Variants in CFAP299 observed in about 807,000 individuals in gnomAD.
CFAP299 encodes the protein cilia- and flagella-associated protein 299.
Under a neutral mutation model 27.0 loss-of-function variants are expected in CFAP299, and 21 were observed. That is an observed-to-expected ratio of 0.78 (90% CI 0.55 to 1.12). CFAP299 has a LOEUF of 1.12. Ranked by LOEUF, CFAP299 falls within the 50% of genes most tolerant of loss-of-function variation. The pLI is 0.00. For missense variants in CFAP299, 310 were observed against 276.6 expected (o/e 1.12, Z -0.86); for synonymous variants, 104 against 98.1 (o/e 1.06, Z -0.36).
chr4:80,455,423 T>G (rs1284507471), intron 2 of CFAP299, among the ~76,000 whole-genome samples: 2 of 152,050 alleles, frequency 1.3e-5, no homozygotes, highest in Non-Finnish European at 2.9e-5. Flanking sequence ...ATTCGAATTA[T>G]ATAGGAATTT....
intron 3 of CFAP299, among the ~76,000 whole-genome samples, chr4:80,836,346 G>T (rs1227525174): frequency 6.6e-6 from 1 of 152,112 alleles, no homozygotes; most frequent in Non-Finnish European, 1.5e-5. Context: ...AGTTTTGTAG[G>T]TCAGATATCT....
At chr4:80,767,493 C>T (rs894332750) in intron 3 of CFAP299, among the ~76,000 whole-genome samples, 5 of 152,110 alleles carry the variant, frequency 3.3e-5, no homozygotes, top group African/African-American at 1.2e-4. Flanking sequence ...CCTGTAGTCC[C>T]AGCTACTGAG....
chr4:80,628,216 A>G (rs1739015479), intron 3 of CFAP299, among the ~76,000 whole-genome samples: 1 of 152,146 alleles, frequency 6.6e-6, no homozygotes, highest in Admixed American at 6.6e-5. Context: ...AGCGGTGTCA[A>G]GAGCACACAA....
intron 3 of CFAP299, among the ~76,000 whole-genome samples, chr4:80,776,289 A>G (rs966957866): frequency 6.6e-6 from 1 of 152,136 alleles, no homozygotes; most frequent in Non-Finnish European, 1.5e-5. Flanking sequence ...GTGTCAGGCC[A>G]TAGTGGTTGC....
chr4:80,941,849 C>G lies in CFAP299; in HGVS notation c.477-2961C>G, dbSNP rs929988972. Among the ~76,000 whole-genome samples, 8 of 152,240 alleles carry G rather than the reference C, an allele frequency of 5.3e-5. No individual in the cohort carries two copies. In the East Asian group the frequency reaches 1.5e-3, roughly 29 times the overall value. The stretch of plus-strand genomic sequence containing the variant: ...AAGAAAGAGACAAGGGAGGTGTACA[C>G]ACTTTTAAACAACCAGATCTCACAA... On this transcript the variant is annotated intron_variant, in intron 4 of 5. Transcript: ENST00000358105.
chr4:80,581,892 T>C (rs1209494003), intron 2 of CFAP299, among the ~76,000 whole-genome samples: 1 of 151,894 alleles, frequency 6.6e-6, no homozygotes, highest in Non-Finnish European at 1.5e-5. Context: ...TCTGGTAGCA[T>C]GAGCACACAA....
chr4:80,541,699 G>T (rs1734002924), intron 2 of CFAP299, among the ~76,000 whole-genome samples: 1 of 152,128 alleles, frequency 6.6e-6, no homozygotes, highest in South Asian at 2.1e-4. Context: ...GGTATACAGA[G>T]TTCAGCAAGA....
At chr4:80,613,616 G>T (rs1024525494) in intron 3 of CFAP299, among the ~76,000 whole-genome samples, 4 of 152,244 alleles carry the variant, frequency 2.6e-5, no homozygotes, top group African/African-American at 9.6e-5. Context: ...CCACATAGCA[G>T]TGTTCTACAA....
chr4:80,947,940 T>C (rs1251713609), intron 5 of CFAP299, among the ~76,000 whole-genome samples: 2 of 152,182 alleles, frequency 1.3e-5, no homozygotes, highest in East Asian at 3.9e-4. Flanking sequence ...TACATATTGA[T>C]AGAAATTACA....
intron 2 of CFAP299, among the ~76,000 whole-genome samples, chr4:80,567,731 T>TTATATATA (rs10605376): frequency 0.01 from 1,525 of 148,796 alleles, 23 homozygotes; most frequent in African/African-American, 0.033. Context: ...TCTAATGTAT[T>TTATATATA]TATATATATA....
intron 3 of CFAP299, among the ~76,000 whole-genome samples, chr4:80,632,575 A>G (rs72863181): frequency 0.077 from 11,669 of 152,198 alleles, 666 homozygotes; most frequent in East Asian, 0.23. Flanking sequence ...CAATACTATG[A>G]TGGAAATGAA....
chr4:80,434,601 C>T (rs1727976282), intron 2 of CFAP299, among the ~76,000 whole-genome samples: 1 of 152,164 alleles, frequency 6.6e-6, no homozygotes, highest in Non-Finnish European at 1.5e-5. Flanking sequence ...CCTGTAAGAG[C>T]CCTGGACTAC....
chr4:80,773,924 G>GGA (rs1334791472), intron 3 of CFAP299, among the ~76,000 whole-genome samples: 1 of 152,080 alleles, frequency 6.6e-6, no homozygotes, highest in East Asian at 1.9e-4. Flanking sequence ...GTTGCTAACT[G>GGA]GAGTAATTGA....
the CFAP299 span, among the ~76,000 whole-genome samples, chr4:80,323,939 C>T: frequency 6.6e-6 from 1 of 152,278 alleles, no homozygotes; most frequent in Non-Finnish European, 1.5e-5. Context: ...AAGGTGATTA[C>T]TGGTTCTTTA....
At chr4:80,587,381 G>A (rs1736503183) in intron 3 of CFAP299, among the ~76,000 whole-genome samples, 1 of 152,034 alleles carries the variant, frequency 6.6e-6, no homozygotes, top group Admixed American at 6.6e-5. Context: ...GAGAAGTGCA[G>A]GAAAGAGCGA....
intron 2 of CFAP299, among the ~76,000 whole-genome samples, chr4:80,391,134 C>T (rs566850048): frequency 2.0e-5 from 3 of 151,958 alleles, no homozygotes; most frequent in Non-Finnish European, 4.4e-5. Context: ...TTGATGGACA[C>T]TTAGGTTGAT....
chr4:80,732,122 A>G (rs1723566670), intron 3 of CFAP299, among the ~76,000 whole-genome samples: 1 of 151,968 alleles, frequency 6.6e-6, no homozygotes, highest in Non-Finnish European at 1.5e-5. Context: ...TTGAGTGTAG[A>G]CAATCTAAGC....
intron 2 of CFAP299, among the ~76,000 whole-genome samples, chr4:80,415,868 G>GACAT (rs912462599): frequency 1.3e-5 from 2 of 152,126 alleles, no homozygotes; most frequent in African/African-American, 4.8e-5. Flanking sequence ...TTAAAAGTCT[G>GACAT]ACATACATAC....
intron 3 of CFAP299, among the ~76,000 whole-genome samples, chr4:80,674,041 T>A (rs1372444893): frequency 6.6e-6 from 1 of 152,182 alleles, no homozygotes; most frequent in Non-Finnish European, 1.5e-5. Flanking sequence ...AATATTGTTA[T>A]GTGTGAATTT....
Sources: allele counts gnomAD v4.1 joint callset (sites outside exome capture counted in the v4.1 genomes callset), GRCh38; gene constraint gnomAD v4.1.1; transcripts MANE v1.5; gene names NCBI Gene and HGNC (gene_info 2026-07-23, HGNC 2026-07-21).